Variants in MAN1A2 observed in about 807,000 individuals in gnomAD.
MAN1A2 encodes the protein mannosidase alpha class 1A member 2, also known as mannosyl-oligosaccharide 1,2-alpha-mannosidase IB.
Under a neutral mutation model 75.7 loss-of-function variants are expected in MAN1A2, and 26 were observed. That is an observed-to-expected ratio of 0.34 (90% CI 0.25 to 0.48). MAN1A2 has a LOEUF of 0.48. Ranked by LOEUF, MAN1A2 falls within the 20% of genes least tolerant of loss-of-function variation. The probability of loss-of-function intolerance (pLI) is 0.99; values close to 1 mark genes in which losing one functional copy is unlikely to be tolerated. For missense variants in MAN1A2, 562 were observed against 775.5 expected, an observed-to-expected ratio of 0.72 and a Z score of 3.27; for synonymous variants, 247 against 264.6, an observed-to-expected ratio of 0.93 and a Z score of 0.65.
intron 5 of MAN1A2, 110 bp from the exon 6 acceptor site, chr1:117,442,121 G>T: frequency 1.6e-6 from 1 of 622,016 alleles, no homozygotes; most frequent in Admixed American, 2.5e-5. Context: ...TTCCTACCCT[G>T]TGCTCCCGTG....
At chr1:117,427,155 T>G (rs1179856732) in intron 5 of MAN1A2, among the ~76,000 whole-genome samples, 4 of 134,870 alleles carry the variant, frequency 3.0e-5, no homozygotes, top group Admixed American at 7.4e-5. Flanking sequence ...GGGAAAATGA[T>G]CCATTTTTTT....
intron 8 of MAN1A2, among the ~76,000 whole-genome samples, chr1:117,482,975 A>G (rs187101115): frequency 8.3e-4 from 126 of 152,246 alleles, no homozygotes; most frequent in African/African-American, 2.9e-3. Context: ...CAGTTTTCCC[A>G]GCACCATTTA....
intron 5 of MAN1A2, among the ~76,000 whole-genome samples, chr1:117,437,556 C>T (rs992495911): frequency 1.2e-4 from 18 of 151,066 alleles, no homozygotes; most frequent in Admixed American, 2.0e-4. Context: ...AGTGTGTGTG[C>T]GTGTGTGTGT....
intron 12 of MAN1A2, among the ~76,000 whole-genome samples, chr1:117,506,630 C>T (rs768082472): frequency 4.6e-5 from 7 of 151,590 alleles, no homozygotes; most frequent in African/African-American, 9.7e-5. Flanking sequence ...ATTTTAAATA[C>T]ATTAAGTGCA....
chr1:117,457,916 T>G (rs1227594742), intron 6 of MAN1A2, among the ~76,000 whole-genome samples: 7 of 152,182 alleles, frequency 4.6e-5, no homozygotes, highest in Admixed American at 4.6e-4. Flanking sequence ...CAAACTAGCC[T>G]CCTTCCTTTC....
At chr1:117,511,110 TGG>T in intron 12 of MAN1A2, among the ~76,000 whole-genome samples, 1 of 152,092 alleles carries the variant, frequency 6.6e-6, no homozygotes, top group South Asian at 2.1e-4. Flanking sequence ...TCTTACGTGG[TGG>T]CAGGAAAGAG....
At chr1:117,373,484 G>GTTTT (rs34482916) in intron 1 of MAN1A2, among the ~76,000 whole-genome samples, 1 of 113,358 alleles carries the variant, frequency 8.8e-6, no homozygotes, top group African/African-American at 3.2e-5. Flanking sequence ...TGCTGCATTT[G>GTTTT]TTTTTTTTTT....
At chr1:117,502,156 C>T (rs1651221504) in intron 11 of MAN1A2, among the ~76,000 whole-genome samples, 1 of 151,682 alleles carries the variant, frequency 6.6e-6, no homozygotes, top group Non-Finnish European at 1.5e-5. Context: ...TCAGTTTTCC[C>T]ATCTGAAAAG....
rs571906788 is a variant in MAN1A2 at position 117,420,481 on chromosome 1, T to C, written c.775-88T>C. 1.9e-5 allele frequency: 17 copies of C among 908,206 alleles called. No homozygotes were observed. The African/African-American group carries it at 2.9e-4, about 15-fold the overall frequency. 56.3% of individuals were successfully genotyped at this position (908,206 alleles called of 1,614,324 possible). On this transcript the variant is annotated intron_variant, in intron 4 of 12. Coordinates refer to ENST00000356554, the MANE Select transcript of MAN1A2 (RefSeq NM_006699.5). ...GTAGAAAAATATTTTCCACAGGGTG[T>C]TTGTGAAAAACAAATGAAGTATTGA...
chr1:117,462,727 T>G (rs1400189610), intron 7 of MAN1A2, among the ~76,000 whole-genome samples: 1 of 152,120 alleles, frequency 6.6e-6, no homozygotes, highest in African/African-American at 2.4e-5. Flanking sequence ...GAAAACGTAA[T>G]TTTTGGAGCT....
chr1:117,444,840 A>G (rs1305951608), intron 6 of MAN1A2, among the ~76,000 whole-genome samples: 1 of 152,040 alleles, frequency 6.6e-6, no homozygotes, highest in African/African-American at 2.4e-5. Flanking sequence ...TATATATACA[A>G]ATATATGTTT....
At chr1:117,488,608 A>G (rs763667573) in intron 8 of MAN1A2, among the ~76,000 whole-genome samples, 1 of 152,096 alleles carries the variant, frequency 6.6e-6, no homozygotes, top group Non-Finnish European at 1.5e-5. Flanking sequence ...CCACATGAGG[A>G]AAACTTTTAT....
At chr1:117,485,678 A>G (rs188733349) in intron 8 of MAN1A2, among the ~76,000 whole-genome samples, 1 of 152,128 alleles carries the variant, frequency 6.6e-6, no homozygotes, top group Admixed American at 6.6e-5. Flanking sequence ...TGAAATCCTT[A>G]TGTTCCACCT....
At position 117,523,177 on chromosome 1, in the gene MAN1A2, C is replaced by A; in HGVS notation, c.*220C>A. On this transcript the variant is annotated 3_prime_UTR_variant, in exon 13 of 13. Coordinates refer to ENST00000356554, the MANE Select transcript of MAN1A2 (RefSeq NM_006699.5). The stretch of plus-strand genomic sequence containing the variant: ...TGTTCTGATATGTGTAGGACAGAGA[C>A]CTGGATGTGCTTTGATCGTTAATGA... 1.5e-6 allele frequency: 1 copy of A among 662,066 alleles called. No individual in the cohort carries two copies. The highest frequency in any genetic ancestry group is 2.9e-6 in the Non-Finnish European group (1 of 350,748). 41.0% of individuals were successfully genotyped at this position (662,066 alleles called of 1,614,324 possible).
At chr1:117,440,585 G>A (rs1375390334) in intron 5 of MAN1A2, among the ~76,000 whole-genome samples, 2 of 151,638 alleles carry the variant, frequency 1.3e-5, no homozygotes, top group Non-Finnish European at 2.9e-5. Context: ...ATGACATTAG[G>A]GTGTTGTTTT....
At chr1:117,394,768 G>A (rs1412346325) in intron 1 of MAN1A2, among the ~76,000 whole-genome samples, 7 of 152,200 alleles carry the variant, frequency 4.6e-5, no homozygotes, top group Non-Finnish European at 1.5e-5. Context: ...GTGATGTAAA[G>A]TGTAGGAAGT....
At chr1:117,428,553 G>C (rs1648455964) in intron 5 of MAN1A2, among the ~76,000 whole-genome samples, 1 of 151,874 alleles carries the variant, frequency 6.6e-6, no homozygotes, top group Non-Finnish European at 1.5e-5. Context: ...TTAAGTTTTA[G>C]TGAATGAAAT....
At chr1:117,498,653 A>G (rs1651105884) in intron 10 of MAN1A2, among the ~76,000 whole-genome samples, 1 of 151,860 alleles carries the variant, frequency 6.6e-6, no homozygotes, top group South Asian at 2.1e-4. Flanking sequence ...CCTCTTTGTT[A>G]TGGTAAACCA....
In MAN1A2 at chr1:117,460,529, A is replaced by G; in HGVS notation, c.991A>G (p.Ser331Gly). 6.2e-7 allele frequency: 1 copy of G among 1,612,902 alleles called. No individual in the cohort carries two copies. Among genetic ancestry groups the G allele is most frequent in the Non-Finnish European group, 8.5e-7 (1 of 1,179,422 alleles). The stretch of plus-strand genomic sequence containing the variant: ...CTGGGGCTGGGCATCTGCAGGTAGC[A>G]GCATTCTGGCTGAATTTGGTACACT... ...RNWGWASAGS[S>G]ILAEFGTLHM... The change falls in exon 7 of 13, where the codon AGC becomes GGC. Residue 331 changes from serine (S) to glycine (G), a missense_variant. By Grantham distance (56) the Ser-to-Gly change is moderately conservative (BLOSUM62 0). Transcript: ENST00000356554.
Sources: allele counts gnomAD v4.1 joint callset (sites outside exome capture counted in the v4.1 genomes callset), GRCh38; gene constraint gnomAD v4.1.1; transcripts MANE v1.5; gene names NCBI Gene and HGNC (gene_info 2026-07-23, HGNC 2026-07-21).